SMYD3: variants seen among roughly 807,000 people sequenced by gnomAD.
The protein encoded by SMYD3 is histone-lysine N-methyltransferase SMYD3.
A neutral mutation model predicts 57.7 loss-of-function variants in SMYD3; 36 were observed. That is an observed-to-expected ratio of 0.62 (90% CI 0.48 to 0.82). The LOEUF (loss-of-function observed/expected upper bound fraction) is 0.82. Among genes scored for constraint, SMYD3 ranks in the 40% least tolerant of loss-of-function variants. SMYD3 has a pLI of 0.00. For missense variants in SMYD3, 515 were observed against 538.8 expected, an observed-to-expected ratio of 0.96 and a Z score of 0.44; for synonymous variants, 211 against 195.0, an observed-to-expected ratio of 1.08 and a Z score of -0.68.
chr1:245,952,803 TG>T (rs1248086603), intron 5 of SMYD3, among the ~76,000 whole-genome samples: 3 of 152,214 alleles, frequency 2.0e-5, no homozygotes, highest in Admixed American at 6.5e-5. Flanking sequence ...AGCAGAACGC[TG>T]TGAAAACGCA....
intron 1 of SMYD3, among the ~76,000 whole-genome samples, chr1:246,363,184 GGCA>G (rs1558425036): frequency 2.0e-5 from 3 of 150,914 alleles, no homozygotes; most frequent in Non-Finnish European, 3.0e-5. Flanking sequence ...CCCTCCGCCC[GGCA>G]GCCACCCCGT....
chr1:245,839,218 G>A (rs150955814), intron 10 of SMYD3, among the ~76,000 whole-genome samples: 1,561 of 151,984 alleles, frequency 0.01, 29 homozygotes, highest in African/African-American at 0.036. Flanking sequence ...CGCCCAGGCC[G>A]GACTGCAGTG....
chr1:246,466,742 G>C (rs1318381379), intron 1 of SMYD3, among the ~76,000 whole-genome samples: 1 of 152,210 alleles, frequency 6.6e-6, no homozygotes, highest in Non-Finnish European at 1.5e-5. Flanking sequence ...CAGCTACTCA[G>C]GAGGCTGATG....
At chr1:246,327,957 G>A (rs1385407047) in intron 4 of SMYD3, among the ~76,000 whole-genome samples, 1 of 152,158 alleles carries the variant, frequency 6.6e-6, no homozygotes, top group Admixed American at 6.5e-5. Flanking sequence ...ACTTTGGGAG[G>A]CCAAGACGGG....
intron 7 of SMYD3, among the ~76,000 whole-genome samples, chr1:245,919,330 C>T (rs1213720080): frequency 2.0e-5 from 3 of 152,182 alleles, no homozygotes; most frequent in Non-Finnish European, 4.4e-5. Context: ...CCCAGCCTGT[C>T]ACAGTTATGT....
chr1:246,408,106 T>C (rs543354228), intron 1 of SMYD3, among the ~76,000 whole-genome samples: 5 of 151,890 alleles, frequency 3.3e-5, no homozygotes, highest in Non-Finnish European at 7.4e-5. Context: ...CTTCCTGAGC[T>C]AATTACCTCC....
At chr1:246,494,950 C>T (rs1246297308) in intron 1 of SMYD3, among the ~76,000 whole-genome samples, 4 of 152,132 alleles carry the variant, frequency 2.6e-5, no homozygotes, top group East Asian at 3.8e-4. Context: ...TTTACCTTAG[C>T]CCTTGGATAT....
At chr1:245,787,878 G>C (rs1466142175) in intron 10 of SMYD3, among the ~76,000 whole-genome samples, 1 of 152,204 alleles carries the variant, frequency 6.6e-6, no homozygotes, top group Non-Finnish European at 1.5e-5. Context: ...GTGTGGTAGA[G>C]GTTCAAGCAC....
chr1:246,495,420 A>T (rs1200050905), intron 1 of SMYD3, among the ~76,000 whole-genome samples: 1 of 147,800 alleles, frequency 6.8e-6, no homozygotes, highest in Non-Finnish European at 1.5e-5. Flanking sequence ...AGAATCTCTG[A>T]GGGCAGGACC....
At chr1:245,855,610 C>T (rs1436176436) in intron 10 of SMYD3, among the ~76,000 whole-genome samples, 1 of 152,158 alleles carries the variant, frequency 6.6e-6, no homozygotes, top group Non-Finnish European at 1.5e-5. Context: ...AGAAGACATA[C>T]TATGGGCTAA....
intron 5 of SMYD3, among the ~76,000 whole-genome samples, chr1:245,948,912 TG>T (rs1473842791): frequency 1.3e-5 from 2 of 152,184 alleles, no homozygotes; most frequent in Non-Finnish European, 1.5e-5. Context: ...TGCAAAGGCC[TG>T]GGGATTGCCC....
At chr1:246,343,102 C>A (rs1206558171) in intron 2 of SMYD3, among the ~76,000 whole-genome samples, 1 of 152,136 alleles carries the variant, frequency 6.6e-6, no homozygotes, top group Non-Finnish European at 1.5e-5. Context: ...ATCATATGGC[C>A]ACAAAGCCTA....
At chr1:246,165,437 G>A (rs1344996774) in intron 5 of SMYD3, among the ~76,000 whole-genome samples, 1 of 152,182 alleles carries the variant, frequency 6.6e-6, no homozygotes, top group African/African-American at 2.4e-5. Context: ...TAGATAACTA[G>A]TAGAGTGAGG....
intron 10 of SMYD3, among the ~76,000 whole-genome samples, chr1:245,812,698 T>G: frequency 9.0e-5 from 3 of 33,248 alleles, no homozygotes; most frequent in Admixed American, 5.3e-4. Flanking sequence ...TAAACAACAG[T>G]TCCAAAAAAA....
chr1:246,284,509 T>C (rs893233597), intron 5 of SMYD3, among the ~76,000 whole-genome samples: 16 of 151,638 alleles, frequency 1.1e-4, no homozygotes, highest in African/African-American at 1.7e-4. Flanking sequence ...CTCCGCCTCC[T>C]GGGTTCACGC....
chr1:246,426,291 A>G (rs2067217031), intron 1 of SMYD3, among the ~76,000 whole-genome samples: 1 of 152,224 alleles, frequency 6.6e-6, no homozygotes, highest in Non-Finnish European at 1.5e-5. Flanking sequence ...TTTTAAATGT[A>G]CTATTCAATG....
intron 5 of SMYD3, among the ~76,000 whole-genome samples, chr1:246,254,750 C>G (rs2063853856): frequency 6.6e-6 from 1 of 152,168 alleles, no homozygotes; most frequent in South Asian, 2.1e-4. Flanking sequence ...GATATTGATT[C>G]TTCCAATCCA....
intron 1 of SMYD3, among the ~76,000 whole-genome samples, chr1:246,470,517 A>T (rs2067945917): frequency 1.4e-5 from 2 of 141,798 alleles, no homozygotes; most frequent in Admixed American, 1.4e-4. Context: ...AATTAAAAAA[A>T]AAAATATATA....
At chr1:245,803,417 A>G (rs1452725848) in intron 10 of SMYD3, among the ~76,000 whole-genome samples, 1 of 145,254 alleles carries the variant, frequency 6.9e-6, no homozygotes, top group Non-Finnish European at 1.5e-5. Context: ...GAACTGGCCA[A>G]TTTCACGTAT....
Sources: allele counts gnomAD v4.1 joint callset (sites outside exome capture counted in the v4.1 genomes callset), GRCh38; gene constraint gnomAD v4.1.1; transcripts MANE v1.5; gene names NCBI Gene and HGNC (gene_info 2026-07-23, HGNC 2026-07-21).